The following NEK5 variants were observed in gnomAD, a reference collection of about 807,000 sequenced individuals.
The protein encoded by NEK5 is serine/threonine-protein kinase Nek5.
A neutral mutation model predicts 109.2 loss-of-function variants in NEK5; 88 were observed. The ratio of observed to expected loss-of-function variants is 0.81; its 90% CI spans 0.68 to 0.96. The LOEUF is 0.96. Ranked by LOEUF, NEK5 falls within the 40% of genes least tolerant of loss-of-function variation. NEK5 has a pLI of 0.00. For missense variants in NEK5, 834 were observed against 920.7 expected, an observed-to-expected ratio of 0.91 and a Z score of 1.22; for synonymous variants, 283 against 299.9, an observed-to-expected ratio of 0.94 and a Z score of 0.58.
intron 22 of NEK5, among the ~76,000 whole-genome samples, chr13:52,052,277 T>C (rs1469346169): frequency 6.6e-6 from 1 of 152,242 alleles, no homozygotes; most frequent in Non-Finnish European, 1.5e-5. Context: ...ATCTGTAACC[T>C]TGGCAAAATA....
intron 12 of NEK5, among the ~76,000 whole-genome samples, chr13:52,093,595 T>C (rs1955343790): frequency 6.6e-6 from 1 of 152,106 alleles, no homozygotes; most frequent in East Asian, 1.9e-4. Context: ...TTATAATACT[T>C]GACAATATAA....
chr13:52,092,750 G>T (rs181674367), intron 13 of NEK5, among the ~76,000 whole-genome samples: 8 of 152,304 alleles, frequency 5.3e-5, no homozygotes, highest in Non-Finnish European at 8.8e-5. Flanking sequence ...GTTGGGCATG[G>T]TGGTGCACGC....
intron 5 of NEK5, among the ~76,000 whole-genome samples, chr13:52,111,120 C>G (rs1391532323): frequency 1.3e-5 from 2 of 152,134 alleles, no homozygotes; most frequent in East Asian, 3.9e-4. Context: ...AGTTTTATTT[C>G]TAAGTCATGA....
intron 22 of NEK5, among the ~76,000 whole-genome samples, chr13:52,057,871 A>G (rs1217592404): frequency 1.3e-5 from 2 of 151,628 alleles, no homozygotes; most frequent in Non-Finnish European, 3.0e-5. Flanking sequence ...AACTGGAAGC[A>G]TTCCCTTTGA....
chr13:52,115,098 C>T (rs1229834577), intron 4 of NEK5, among the ~76,000 whole-genome samples: 9 of 151,532 alleles, frequency 5.9e-5, no homozygotes, highest in Non-Finnish European at 1.2e-4. Flanking sequence ...CTGCAAGCTC[C>T]GCCTCCTGGG....
chr13:52,065,322 T>C, intron 21 of NEK5, 162 bp downstream of exon 21: 2 of 975,128 alleles, frequency 2.1e-6, no homozygotes, highest in Admixed American at 1.7e-5. Flanking sequence ...CAGGCAAGTC[T>C]CTTTAGGCAT....
intron 7 of NEK5, 75 bp from the exon 8 acceptor site, chr13:52,108,479 C>A (rs1955696613): frequency 3.4e-6 from 3 of 891,984 alleles, no homozygotes; most frequent in East Asian, 2.7e-5. Flanking sequence ...CATGGACATG[C>A]AAGAAAAAAT....
intron 4 of NEK5, among the ~76,000 whole-genome samples, chr13:52,116,786 T>G (rs1955866690): frequency 6.6e-6 from 1 of 152,230 alleles, no homozygotes; most frequent in African/African-American, 2.4e-5. Context: ...ACCTAGAACA[T>G]GCCTGGCATA....
intron 19 of NEK5, 56 bp downstream of exon 19, chr13:52,075,702 T>TAA: frequency 9.7e-7 from 1 of 1,028,970 alleles, no homozygotes; most frequent in Non-Finnish European, 1.5e-6. Flanking sequence ...AACATGCTAT[T>TAA]AAGATATATG....
chr13:52,085,137 A>C (rs554168148), intron 16 of NEK5, among the ~76,000 whole-genome samples: 43 of 152,236 alleles, frequency 2.8e-4, no homozygotes, highest in African/African-American at 9.9e-4. Context: ...TAACTGAATC[A>C]TCGGGGTGGT....
intron 1 of NEK5, 39 bp from the exon 2 acceptor site, chr13:52,127,701 T>C (rs1718610367): frequency 2.1e-6 from 1 of 476,446 alleles, no homozygotes; most frequent in Non-Finnish European, 3.7e-6. Flanking sequence ...ACACGGGTCA[T>C]AGCTCAGCTT....
intron 21 of NEK5, among the ~76,000 whole-genome samples, chr13:52,064,000 G>C (rs1236265106): frequency 1.4e-5 from 2 of 142,436 alleles, no homozygotes. Flanking sequence ...GGGAGGTGGG[G>C]GGGGGGGTCA....
intron 17 of NEK5, among the ~76,000 whole-genome samples, chr13:52,081,083 C>G (rs1182932260): frequency 1.3e-5 from 2 of 151,894 alleles, no homozygotes; most frequent in Admixed American, 1.3e-4. Flanking sequence ...AGGAACAACT[C>G]ACAAAAGTCT....
chr13:52,039,094 G>A (rs1167859421), intron 23 of NEK5, among the ~76,000 whole-genome samples: 1 of 152,162 alleles, frequency 6.6e-6, no homozygotes, highest in Non-Finnish European at 1.5e-5. Context: ...GCTTTCAGCA[G>A]GAAGAGGGAC....
chr13:52,099,633 G>A (rs998900015), intron 12 of NEK5, 110 bp downstream of exon 12: 4 of 1,174,772 alleles, frequency 3.4e-6, no homozygotes, highest in Non-Finnish European at 4.8e-6. Flanking sequence ...TCGCGCCACT[G>A]CACTCCAGCC....
At chr13:52,112,970 C>T (rs1042636467) in intron 4 of NEK5, among the ~76,000 whole-genome samples, 2 of 152,164 alleles carry the variant, frequency 1.3e-5, no homozygotes, top group Non-Finnish European at 2.9e-5. Context: ...CTGAATCTTA[C>T]CAAGATCATT....
intron 4 of NEK5, among the ~76,000 whole-genome samples, chr13:52,117,696 G>A (rs1955887497): frequency 6.6e-6 from 1 of 152,120 alleles, no homozygotes; most frequent in East Asian, 1.9e-4. Flanking sequence ...AAAACAGATG[G>A]AGCCCCAAAA....
In NEK5 at chr13:52,099,843, T is replaced by C. The variant is rs371131266; in HGVS notation, c.926A>G (p.Lys309Arg). ...AGATATCCTTGATCTTGGTGGGCAC[T>C]TTCCCTGGAATCTCACTTTTTGTAT... is the stretch of plus-strand genomic sequence containing the variant. ...CKIQKVRFQG[K>R]CPPRSRISVP... The change falls in exon 12 of 24, where the codon AAG (lysine) becomes AGG (arginine). Residue 309 changes from lysine (K) to arginine (R), a missense_variant. Transcript: ENST00000684899. 1.4e-5 allele frequency: 23 copies of C among 1,613,734 alleles called. 1 individual carries two copies. The East Asian group carries it at 3.1e-4, about 22-fold the overall frequency.
At chr13:52,074,047 C>A (rs1370515407) in intron 19 of NEK5, among the ~76,000 whole-genome samples, 1 of 152,074 alleles carries the variant, frequency 6.6e-6, no homozygotes, top group Non-Finnish European at 1.5e-5. Context: ...AATGGCCATA[C>A]TGCCCAAAGT....
Sources: gnomAD v4.1 joint callset for allele counts (sites outside exome capture counted in the v4.1 genomes callset) on GRCh38, gnomAD v4.1.1 for gene constraint, MANE v1.5 for transcripts, NCBI Gene and HGNC (gene_info 2026-07-23, HGNC 2026-07-21) for gene names.